Variants in QSOX1 observed in about 807,000 individuals in gnomAD.
The protein encoded by QSOX1 is quiescin sulfhydryl oxidase 1, also known as sulfhydryl oxidase 1.
A neutral mutation model predicts 76.1 loss-of-function variants in QSOX1; 40 were observed. The ratio of observed to expected loss-of-function variants is 0.53; its 90% CI spans 0.41 to 0.68. The LOEUF (loss-of-function observed/expected upper bound fraction) is 0.68. Ranked by LOEUF, QSOX1 falls within the 30% of genes least tolerant of loss-of-function variation. QSOX1 has a pLI of 0.00. For missense variants in QSOX1, 931 were observed against 974.3 expected (o/e 0.96, Z 0.59); for synonymous variants, 392 against 413.1 (o/e 0.95, Z 0.62).
chr1:180,190,885 C>T (rs1273532303), intron 10 of QSOX1, among the ~76,000 whole-genome samples: 1 of 152,182 alleles, frequency 6.6e-6, no homozygotes, highest in African/African-American at 2.4e-5. Flanking sequence ...GTTTGCTTTG[C>T]TTTCAGTCTT....
At position 180,197,131 on chromosome 1, in the gene QSOX1, G is replaced by C. The variant is rs1663516806; in HGVS notation, c.*94G>C. 4 of 1,306,996 alleles carry C rather than the reference G, an allele frequency of 3.1e-6. No homozygotes were observed. The South Asian group carries it at 4.3e-5, about 14-fold the overall frequency. 81.0% of individuals were successfully genotyped at this position (1,306,996 alleles called of 1,614,324 possible). ...CCTCCCCTCCCACCCCTTGCTCCTT[G>C]TCTGGCCTAGAAGTGTGGGAAATTC... On this transcript the variant is annotated 3_prime_UTR_variant, in exon 12 of 12. Coordinates refer to ENST00000367602, the MANE Select transcript of QSOX1 (RefSeq NM_002826.5).
intron 1 of QSOX1, among the ~76,000 whole-genome samples, chr1:180,164,419 C>G (rs1341589581): frequency 6.6e-6 from 1 of 152,190 alleles, no homozygotes; most frequent in African/African-American, 2.4e-5. Context: ...CTTCCCAACC[C>G]CCCACCCACC....
chr1:180,175,855 G>C, intron 3 of QSOX1, 76 bp from the exon 4 acceptor site: 4 of 1,171,170 alleles, frequency 3.4e-6, no homozygotes, highest in Non-Finnish European at 5.0e-6. Context: ...TTGTTTCTGG[G>C]AGTGAAGGTG....
chr1:180,183,907 C>T lies in QSOX1; in HGVS notation c.753-9C>T. 1 of 1,610,796 alleles carries T rather than the reference C, an allele frequency of 6.2e-7. No homozygotes were observed. On this transcript the variant is annotated splice_polypyrimidine_tract_variant and intron_variant, in intron 6 of 11. Coordinates refer to ENST00000367602, the MANE Select transcript of QSOX1 (RefSeq NM_002826.5). The stretch of plus-strand genomic sequence containing the variant: ...ACTGCCTCTCCTCCCTGGTTCTGTG[C>T]CCTCACAGGCTCATGGAATCCAGGT...
chr1:180,166,529 G>A lies in QSOX1; in HGVS notation c.304G>A (p.Ala102Thr), dbSNP rs1662632181. The A allele has an allele frequency of 6.2e-7, 1 of 1,614,042 alleles. No homozygotes were observed. The highest frequency in any genetic ancestry group is 1.3e-5 in the African/African-American group (1 of 74,930). ...CCTGTATCTCGCCGCCCTGGACTGT[G>A]CTGAGGAGACCAACAGTGCAGTCTG... ...PALYLAALDC[A>T]EETNSAVCRD... is the part of the protein sequence containing the mutation. The change falls in exon 2 of 12, where the codon GCT becomes ACT. Residue 102 changes from alanine (A) to threonine (T), a missense_variant. Physicochemically the swap from Ala to Thr is moderately conservative, Grantham distance 58 (BLOSUM62 0). Transcript: ENST00000367602.
chr1:180,184,396 A>G (rs1422861261), intron 7 of QSOX1, among the ~76,000 whole-genome samples: 1 of 152,182 alleles, frequency 6.6e-6, no homozygotes, highest in African/African-American at 2.4e-5. Flanking sequence ...CCACCCAAGC[A>G]ATTATTTGTG....
intron 7 of QSOX1, among the ~76,000 whole-genome samples, chr1:180,184,768 C>T (rs138704994): frequency 9.9e-5 from 15 of 152,048 alleles, no homozygotes; most frequent in South Asian, 2.1e-4. Context: ...AGGGGATGCA[C>T]GAGACAGTGG....
intron 10 of QSOX1, among the ~76,000 whole-genome samples, chr1:180,193,854 T>TGGGGAGGA (rs1395286570): frequency 1.3e-5 from 2 of 152,162 alleles, no homozygotes; most frequent in African/African-American, 4.8e-5. Flanking sequence ...GGCCAGGGGC[T>TGGGGAGGA]AGGGCGGTGG....
At chr1:180,157,436 G>A (rs913622629) in intron 1 of QSOX1, among the ~76,000 whole-genome samples, 3 of 152,344 alleles carry the variant, frequency 2.0e-5, no homozygotes, top group South Asian at 2.1e-4. Flanking sequence ...TTGTGGGCCC[G>A]CAGAGGGCTG....
chr1:180,161,324 A>G (rs926838176), intron 1 of QSOX1, among the ~76,000 whole-genome samples: 7 of 152,244 alleles, frequency 4.6e-5, no homozygotes, highest in African/African-American at 9.6e-5. Context: ...CTTATCGATA[A>G]GGAATCTCAG....
At position 180,175,318 on chromosome 1, in the gene QSOX1, C is replaced by G. The variant is rs754738236; in HGVS notation, c.367-3C>G. The G allele has an allele frequency of 8.1e-6, 13 of 1,613,976 alleles. No individual in the cohort carries two copies. The highest frequency in any genetic ancestry group is 1.0e-5 in the Non-Finnish European group (12 of 1,179,984). On this transcript the variant is annotated splice_region_variant and splice_polypyrimidine_tract_variant and intron_variant, in intron 2 of 11. Coordinates refer to ENST00000367602, the MANE Select transcript of QSOX1 (RefSeq NM_002826.5). The stretch of plus-strand genomic sequence containing the variant: ...TGATGCCCACCTGTGTGTTTGCTTC[C>G]AGTTCTTCAAGGCCTTTACCAAGAA...
intron 1 of QSOX1, among the ~76,000 whole-genome samples, chr1:180,157,405 A>G (rs560669984): frequency 6.6e-6 from 1 of 152,246 alleles, no homozygotes; most frequent in Admixed American, 6.5e-5. Flanking sequence ...CTGTGTCCTG[A>G]GGTTTCTTGA....
Position 180,201,438 on chromosome 1 carries a change from C to G in QSOX1, c.*4401C>G, listed in dbSNP as rs1402670928. 6.6e-6 allele frequency: 1 copy of G among 152,428 alleles called. No homozygotes were observed. The highest frequency in any genetic ancestry group is 1.5e-5 in the Non-Finnish European group (1 of 68,220). 9.4% of individuals were successfully genotyped at this position (152,428 alleles called of 1,614,324 possible). On this transcript the variant is annotated 3_prime_UTR_variant, in exon 12 of 12. Transcript: ENST00000367602. The stretch of plus-strand genomic sequence containing the variant: ...CCAGGGTGGGCCCAGTATCCTTCCA[C>G]AGCATCCCTCCTCTTCCCCTTCAAC...
In QSOX1 at chr1:180,196,560, C is replaced by G; in HGVS notation, c.1767C>G (p.Pro589=). ...DPGKPEMMKS[P]TNTTPHVPAE... ...GGAAGCCTGAGATGATGAAGTCCCCCACAAACACCACCCCACATGTGCCGG... is the reference window on the plus strand; with the variant it reads ...GGAAGCCTGAGATGATGAAGTCCCCGACAAACACCACCCCACATGTGCCGG... Residue 589 remains proline (P), a synonymous_variant, in exon 12 of 12, where the codon CCC becomes CCG. Coordinates refer to ENST00000367602, the MANE Select transcript of QSOX1 (RefSeq NM_002826.5). This position sits in a 1 kb window ranked among gnomAD's most constrained non-coding sequence, Gnocchi z 4.1. 6.2e-7 allele frequency: 1 copy of G among 1,614,216 alleles called. No individual in the cohort carries two copies. The highest frequency in any genetic ancestry group is 8.5e-7 in the Non-Finnish European group (1 of 1,180,040).
rs1572050228 is a variant in QSOX1, at chr1:180,184,141, C to G, written c.887+91C>G. 1.2e-5 allele frequency: 18 copies of G among 1,476,274 alleles called. 1 individual carries two copies. In the East Asian group the frequency reaches 4.1e-4, roughly 34 times the overall value. The allele number at this position is 1,476,274 out of a possible 1,614,324, so 91.4% of individuals were successfully genotyped here. On this transcript the variant is annotated intron_variant, in intron 7 of 11. Coordinates refer to ENST00000367602, the MANE Select transcript of QSOX1 (RefSeq NM_002826.5). ...CACCCACGCCCTCTTGCTCATTCTT[C>G]TTCCTTGTCATATGATTAGTGTGTA...
chr1:180,166,449 A>G (rs772245000), intron 1 of QSOX1, 42 bp from the exon 2 acceptor site: 4 of 1,506,200 alleles, frequency 2.7e-6, no homozygotes, highest in Non-Finnish European at 3.7e-6. Flanking sequence ...CAGAGGGGGT[A>G]CCAGCCCCTC....
intron 1 of QSOX1, among the ~76,000 whole-genome samples, chr1:180,155,567 G>C (rs1662358785): frequency 6.6e-6 from 1 of 152,134 alleles, no homozygotes; most frequent in Admixed American, 6.5e-5. Context: ...TCTCGTCCAG[G>C]GACCCATGTC....
intron 8 of QSOX1, among the ~76,000 whole-genome samples, chr1:180,187,039 C>T (rs1663192674): frequency 6.6e-6 from 1 of 152,228 alleles, no homozygotes; most frequent in Non-Finnish European, 1.5e-5. Flanking sequence ...CTCCCTTGGC[C>T]CTGGGGCCCG....
intron 1 of QSOX1, among the ~76,000 whole-genome samples, chr1:180,158,676 A>G (rs1441516760): frequency 2.0e-5 from 3 of 152,036 alleles, no homozygotes; most frequent in Admixed American, 6.5e-5. Flanking sequence ...GAGCTCCTGA[A>G]TTCTTCGGTG....
Sources: allele counts gnomAD v4.1 joint callset (sites outside exome capture counted in the v4.1 genomes callset), GRCh38; gene constraint gnomAD v4.1.1; non-coding constraint Gnocchi (gnomAD v3.1); transcripts MANE v1.5; gene names NCBI Gene and HGNC (gene_info 2026-07-23, HGNC 2026-07-21).